Variants in NBN observed in about 807,000 individuals in gnomAD.
NBN encodes the protein Nijmegen breakage syndrome 1 (nibrin).
In NBN, 88 loss-of-function variants were observed where a neutral mutation model predicts 90.8. The ratio of observed to expected loss-of-function variants is 0.97; its 90% CI spans 0.82 to 1.16. NBN has a LOEUF of 1.16. Ranked by LOEUF, NBN falls within the 50% of genes most tolerant of loss-of-function variation. The pLI, the probability that NBN is intolerant of heterozygous loss-of-function variation, is 0.00. For missense variants in NBN, 894 were observed against 869.6 expected, an observed-to-expected ratio of 1.03 and a Z score of -0.35; for synonymous variants, 328 against 295.1, an observed-to-expected ratio of 1.11 and a Z score of -1.14.
intron 14 of NBN, among the ~76,000 whole-genome samples, chr8:89,942,793 A>G (rs6991977): frequency 6.6e-6 from 1 of 152,238 alleles, no homozygotes; most frequent in Non-Finnish European, 1.5e-5. Context: ...ACTTACGTTA[A>G]GTTGGAATTC....
At chr8:89,942,089 A>G (rs13312956) in intron 14 of NBN, among the ~76,000 whole-genome samples, 2 of 152,192 alleles carry the variant, frequency 1.3e-5, no homozygotes, top group Admixed American at 1.3e-4. Context: ...ATACGAAAGA[A>G]AACCCAAGAT....
chr8:89,955,048 A>C (rs141429211), intron 10 of NBN, among the ~76,000 whole-genome samples: 1 of 152,146 alleles, frequency 6.6e-6, no homozygotes, highest in African/African-American at 2.4e-5. Flanking sequence ...TATTGAAGAG[A>C]ATTGCGGCAA....
In NBN at chr8:89,984,579, G is replaced by C. The variant is rs780658881; in HGVS notation, c.-18C>G. ...TTCCACATCGGTCCGGCTCCTCAGG[G>C]CTGGGGCCGACGTGCAACCGCGTAA... On this transcript the variant is annotated 5_prime_UTR_variant, in exon 1 of 16. Transcript: ENST00000265433. 1 of 1,612,448 alleles carries C rather than the reference G, an allele frequency of 6.2e-7. No individual in the cohort carries two copies. The highest frequency in any genetic ancestry group is 2.2e-5 in the East Asian group (1 of 44,860).
At chr8:89,959,046 C>T (rs1028408547) in intron 8 of NBN, among the ~76,000 whole-genome samples, 192 bp from the exon 9 acceptor site, 2 of 152,154 alleles carry the variant, frequency 1.3e-5, no homozygotes, top group African/African-American at 4.8e-5. Flanking sequence ...CTATGACGGG[C>T]TTATCTAAAC....
intron 3 of NBN, 49 bp from the exon 4 acceptor site, chr8:89,980,942 G>C (rs1167251785): frequency 4.5e-6 from 7 of 1,555,506 alleles, no homozygotes; most frequent in Non-Finnish European, 3.5e-6. Flanking sequence ...GAGTTGCAGA[G>C]ATGGCAATTT....
Position 89,947,814 on chromosome 8 carries a change from C to T in NBN, c.1914+10G>A, listed in dbSNP as rs577706448. On this transcript the variant is annotated intron_variant, in intron 12 of 15. Transcript: ENST00000265433. Reference sequence around the variant, plus strand: ...CAAATCTGTATAAAAATTAATAAAACGTTTCTCACAGATATTTCTTTAGCT... The same window carrying T: ...CAAATCTGTATAAAAATTAATAAAATGTTTCTCACAGATATTTCTTTAGCT... The T allele has an allele frequency of 1.3e-4, 192 of 1,517,332 alleles. 1 individual carries two copies. The highest frequency in any genetic ancestry group is 1.3e-3 in the South Asian group (109 of 86,718). 94.0% of individuals were successfully genotyped at this position (1,517,332 alleles called of 1,614,324 possible). A position where few individuals can be genotyped will look rare whatever the true frequency, so the allele number is the denominator to read the frequency against.
At chr8:89,935,968 G>A in intron 15 of NBN, 2 of 339,378 alleles carry the variant, frequency 5.9e-6, no homozygotes, top group Non-Finnish European at 5.7e-6. Flanking sequence ...GCACAAAAGA[G>A]CATAATCTAC....
At chr8:89,966,751 A>T (rs1215981579) in intron 7 of NBN, among the ~76,000 whole-genome samples, 32 of 152,236 alleles carry the variant, frequency 2.1e-4, no homozygotes, top group Non-Finnish European at 4.4e-5. Context: ...GAGCAAAAAA[A>T]GACTTGTTCT....
At chr8:89,948,209 C>T (rs1810286811) in intron 11 of NBN, among the ~76,000 whole-genome samples, 1 of 152,084 alleles carries the variant, frequency 6.6e-6, no homozygotes, top group Non-Finnish European at 1.5e-5. Context: ...TAAAAAATGA[C>T]TACAAAATTG....
In NBN at chr8:89,984,395, G is replaced by GCCGCTTCTGCGA. The variant is rs1384704312; in HGVS notation, c.37+118_37+129dup. 1.2e-5 allele frequency: 10 copies of GCCGCTTCTGCGA among 857,336 alleles called. No individual in the cohort carries two copies. The East Asian group carries it at 1.6e-4, about 14-fold the overall frequency. 53.1% of individuals were successfully genotyped at this position (857,336 alleles called of 1,614,324 possible). ...TATGCGCTTGCCATACAGCGTACTC[G>GCCGCTTCTGCGA]CCGCTTCTGCGACCGCTTCCGCAGC... On this transcript the variant is annotated intron_variant, in intron 1 of 15. Transcript: ENST00000265433.
At position 89,944,581 on chromosome 8, in the gene NBN, C is replaced by A. The variant is rs548913040; in HGVS notation, c.2071-1215G>T. On this transcript the variant is annotated intron_variant, in intron 13 of 15. Coordinates refer to ENST00000265433, the MANE Select transcript of NBN (RefSeq NM_002485.5). ...GTTGTCGGTAAATTCTTTTCACCAA[C>A]CCGCAAGTTGACCACTTCCTGGTGC... 4.6e-5 allele frequency among the ~76,000 whole-genome samples: 7 copies of A among 152,244 alleles called. No individual in the cohort carries two copies. The South Asian group carries it at 1.0e-3, about 23-fold the overall frequency.
At chr8:89,945,765 CTTAG>C (rs1158140964) in intron 13 of NBN, among the ~76,000 whole-genome samples, 3 of 152,014 alleles carry the variant, frequency 2.0e-5, no homozygotes, top group East Asian at 1.9e-4. Context: ...ACTGAATATG[CTTAG>C]TTATTTTAAA....
intron 9 of NBN, among the ~76,000 whole-genome samples, chr8:89,956,831 C>A (rs545121999): frequency 7.2e-5 from 11 of 152,282 alleles, no homozygotes; most frequent in African/African-American, 2.4e-4. Flanking sequence ...TTTCTGTCAA[C>A]AATGGACTGC....
chr8:89,964,383 G>C (rs767397168), intron 8 of NBN, 27 bp downstream of exon 8: 2 of 1,611,962 alleles, frequency 1.2e-6, no homozygotes, highest in Non-Finnish European at 8.5e-7. Flanking sequence ...AGTTGCTAAC[G>C]AATCAATAAA....
intron 7 of NBN, among the ~76,000 whole-genome samples, chr8:89,968,120 G>A (rs1586082129): frequency 2.0e-5 from 3 of 152,142 alleles, no homozygotes; most frequent in South Asian, 4.2e-4. Context: ...TAGCAGCAAC[G>A]TGGTGGTGTA....
At position 89,933,413 on chromosome 8, in the gene NBN, G is replaced by A. The variant is rs1809525833; in HGVS notation, c.*2169C>T. On this transcript the variant is annotated 3_prime_UTR_variant, in exon 16 of 16. Transcript: ENST00000265433. ...AGCTACAGTAATTCAAGGCAGTATG[G>A]TATGAGTGAGTGCAAGGATGGACAA... 2 of 227,150 alleles carry A rather than the reference G, an allele frequency of 8.8e-6. No homozygotes were observed. Among genetic ancestry groups the A allele is most frequent in the South Asian group, 3.7e-4 (2 of 5,478 alleles). 14.1% of individuals were successfully genotyped at this position (227,150 alleles called of 1,614,324 possible). A position where few individuals can be genotyped will look rare whatever the true frequency, so the allele number is the denominator to read the frequency against.
At chr8:89,943,038 CTTT>C (rs10631091) in intron 14 of NBN, among the ~76,000 whole-genome samples, 1 of 139,672 alleles carries the variant, frequency 7.2e-6, no homozygotes, top group Non-Finnish European at 1.6e-5. Context: ...TAGGTCTCAC[CTTT>C]TTTTTTTTTT....
rs768087330 is a variant in NBN at position 89,955,431 on chromosome 8, C to A, written c.1249G>T (p.Val417Leu). 1 of 1,613,692 alleles carries A rather than the reference C, an allele frequency of 6.2e-7. No homozygotes were observed. The highest frequency in any genetic ancestry group is 1.1e-5 in the South Asian group (1 of 91,070). The change falls in exon 10 of 16, where the codon GTA (valine) becomes TTA (leucine). Residue 417 changes from valine (V) to leucine (L), a missense_variant. Coordinates refer to ENST00000265433, the MANE Select transcript of NBN (RefSeq NM_002485.5). ...CKTSSNNNSM[V>L]SNTLAKMRIP... Reference sequence around the variant, plus strand: ...CTCATCTTAGCCAAAGTATTTGATACCATACTATTATTATTAGAGCTTGTT... The same window carrying A: ...CTCATCTTAGCCAAAGTATTTGATAACATACTATTATTATTAGAGCTTGTT...
At chr8:89,958,678 TTTA>T (rs1398944749) in intron 9 of NBN, 44 bp downstream of exon 9, 3 of 1,590,594 alleles carry the variant, frequency 1.9e-6, no homozygotes, top group Admixed American at 3.3e-5. Flanking sequence ...ATACTATTAA[TTTA>T]TTGATAGAAT....
Sources: allele counts gnomAD v4.1 joint callset (sites outside exome capture counted in the v4.1 genomes callset), GRCh38; gene constraint gnomAD v4.1.1; transcripts MANE v1.5; gene names NCBI Gene and HGNC (gene_info 2026-07-23, HGNC 2026-07-21).